PXK: variants seen among roughly 807,000 people sequenced by gnomAD.
PXK encodes the protein PX domain containing serine/threonine kinase like.
Under a neutral mutation model 84.7 loss-of-function variants are expected in PXK, and 35 were observed. The ratio of observed to expected loss-of-function variants is 0.41; its 90% confidence interval spans 0.32 to 0.55. PXK has a LOEUF of 0.55. PXK is among the 20% of genes least tolerant of loss of function. PXK has a pLI of 0.21. For synonymous variants in PXK, 253 were observed against 260.8 expected, an observed-to-expected ratio of 0.97 and a Z score of 0.29; for missense variants, 634 against 699.7, an observed-to-expected ratio of 0.91 and a Z score of 1.06.
Position 58,380,285 on chromosome 3 carries a change from T to C in PXK, c.202-2229T>C, listed in dbSNP as rs141213443. ...AAAATGGATCAAGAATCATTATGATTAGCTGTGTGTGGTGGCGTGCACCTG... is the reference window on the plus strand; with the variant it reads ...AAAATGGATCAAGAATCATTATGATCAGCTGTGTGTGGTGGCGTGCACCTG... On this transcript the variant is annotated intron_variant, in intron 3 of 17. Transcript: ENST00000356151. 2.2e-4 allele frequency among the ~76,000 whole-genome samples: 34 copies of C among 152,182 alleles called. 1 individual carries two copies. Among genetic ancestry groups the C allele is most frequent in the African/African-American group, 8.2e-4 (34 of 41,538 alleles).
At position 58,424,927 on chromosome 3, in the gene PXK, A is replaced by T; in HGVS notation, c.1704A>T (p.Lys568Asn). 1 of 1,614,148 alleles carries T rather than the reference A, an allele frequency of 6.2e-7. No individual in the cohort carries two copies. The highest frequency in any genetic ancestry group is 8.5e-7 in the Non-Finnish European group (1 of 1,180,036). Residue 568 changes from lysine (K) to asparagine (N), a missense_variant, in exon 18 of 18, where the codon AAA becomes AAT. Around this residue, in one of 3 missense-constraint regions of PXK, gnomAD observed 273 missense variants for 283.6 expected, o/e 0.96. Coordinates refer to ENST00000356151, the MANE Select transcript of PXK (RefSeq NM_017771.5). Reference protein sequence around the residue: ...NFQKGTLRKAKTCDHSAPKIG With the variant: ...NFQKGTLRKANTCDHSAPKIG ...AAAAAGGAACTTTGAGGAAAGCCAA[A>T]ACCTGTGATCACAGTGCTCCGAAGA...
chr3:58,364,637 A>G lies in PXK; in HGVS notation c.103-1237A>G, dbSNP rs545058066. On this transcript the variant is annotated intron_variant, in intron 1 of 17. Transcript: ENST00000356151. The surrounding 1 kb of genome is among the most constrained non-coding windows in gnomAD (Gnocchi z 4.3). ...TGAGGCAGGAGAATTGCTTGAACCC[A>G]GGAGGCGGAAGTGGCAGTGAGCTGA... 1.3e-3 allele frequency among the ~76,000 whole-genome samples: 201 copies of G among 152,136 alleles called. 2 individuals are homozygous for G. Among genetic ancestry groups the G allele is most frequent in the African/African-American group, 4.7e-3 (197 of 41,476 alleles).
At chr3:58,388,828 T>C (rs2098593838) in intron 4 of PXK, among the ~76,000 whole-genome samples, 1 of 152,162 alleles carries the variant, frequency 6.6e-6, no homozygotes, top group South Asian at 2.1e-4. Flanking sequence ...GCTCTTGACA[T>C]GTGAATTCTA....
chr3:58,424,382 G>A (rs1410039802), intron 17 of PXK, among the ~76,000 whole-genome samples: 1 of 152,220 alleles, frequency 6.6e-6, no homozygotes, highest in Non-Finnish European at 1.5e-5. Flanking sequence ...GAAGCAGACA[G>A]AGCTTCCTGG....
chr3:58,425,157 C>G lies in PXK; in HGVS notation c.*197C>G, dbSNP rs2062659377. On this transcript the variant is annotated 3_prime_UTR_variant, in exon 18 of 18. Transcript: ENST00000356151. ...GAATAAAGTTAGGCTGGCATTGCTC[C>G]CTTAAGATCTTGCTCCTTTATTAAC... 1 of 809,278 alleles carries G rather than the reference C, an allele frequency of 1.2e-6. No homozygotes were observed. The highest frequency in any genetic ancestry group is 2.9e-5 in the East Asian group (1 of 34,264). 50.1% of individuals were successfully genotyped at this position (809,278 alleles called of 1,614,324 possible). A position where few individuals can be genotyped will look rare whatever the true frequency, so the allele number is the denominator to read the frequency against.
chr3:58,418,804 G>C (rs961550706), intron 17 of PXK, among the ~76,000 whole-genome samples: 8 of 152,194 alleles, frequency 5.3e-5, no homozygotes, highest in Non-Finnish European at 7.3e-5. Flanking sequence ...AGAAAACCCA[G>C]TTTGCAAGAA....
At chr3:58,392,078 T>C (rs1213013873) in intron 7 of PXK, among the ~76,000 whole-genome samples, 2 of 152,354 alleles carry the variant, frequency 1.3e-5, no homozygotes, top group Non-Finnish European at 2.9e-5. Context: ...CTTTGAATTT[T>C]AAACAAAGAT....
chr3:58,422,489 T>C, intron 17 of PXK: 7 of 985,312 alleles, frequency 7.1e-6, no homozygotes, highest in Non-Finnish European at 8.4e-6. Flanking sequence ...CCTGGAGCCC[T>C]TTGGACAGTG....
intron 16 of PXK, among the ~76,000 whole-genome samples, chr3:58,410,509 C>T (rs1022854679): frequency 1.3e-5 from 2 of 152,310 alleles, no homozygotes; most frequent in African/African-American, 4.8e-5. Context: ...ACAGAAATGA[C>T]CTTAAATCCT....
intron 3 of PXK, among the ~76,000 whole-genome samples, chr3:58,376,554 A>T (rs1047577318): frequency 6.6e-6 from 1 of 152,222 alleles, no homozygotes. Context: ...CGTAAATGAG[A>T]TGATATTCTG....
intron 7 of PXK, 105 bp from the exon 8 acceptor site, chr3:58,394,893 A>G (rs1276678049): frequency 7.6e-6 from 6 of 789,108 alleles, no homozygotes; most frequent in East Asian, 2.5e-5. Context: ...TTCGTATGCA[A>G]TTAAACCACC....
intron 3 of PXK, among the ~76,000 whole-genome samples, chr3:58,382,167 T>C (rs2108787645): frequency 6.6e-6 from 1 of 152,014 alleles, no homozygotes. Context: ...AATACAAAAA[T>C]TAGCTGGGCG....
rs138993562 is a variant in PXK, at chr3:58,364,681, C to T, written c.103-1193C>T. Among the ~76,000 whole-genome samples, 53 of 151,750 alleles carry T rather than the reference C, an allele frequency of 3.5e-4. No individual in the cohort carries two copies. Among genetic ancestry groups the T allele is most frequent in the African/African-American group, 1.2e-3 (50 of 41,360 alleles). On this transcript the variant is annotated intron_variant, in intron 1 of 17. Transcript: ENST00000356151. The surrounding 1 kb of genome is among the most constrained non-coding windows in gnomAD (Gnocchi z 4.3). ...GAGCTGAGATCGTGCCACTGCACTCCAGCCTGGGTGACAGAGTGAGACTCG... is the reference window on the plus strand; with the variant it reads ...GAGCTGAGATCGTGCCACTGCACTCTAGCCTGGGTGACAGAGTGAGACTCG...
intron 3 of PXK, among the ~76,000 whole-genome samples, chr3:58,382,274 C>G (rs1456710976): frequency 6.6e-6 from 1 of 152,128 alleles, no homozygotes; most frequent in Non-Finnish European, 1.5e-5. Flanking sequence ...CAAAATCGCA[C>G]CACTGCACTC....
chr3:58,423,116 G>A (rs939434415), intron 17 of PXK: 14 of 985,266 alleles, frequency 1.4e-5, no homozygotes, highest in Admixed American at 6.2e-5. Context: ...AAAACCTTCA[G>A]CAGAGGTCTC....
rs754123115 is a variant in PXK, at chr3:58,424,868, C to A, written c.1645C>A (p.Arg549=). The A allele has an allele frequency of 6.2e-6, 10 of 1,614,184 alleles. No individual in the cohort carries two copies. The highest frequency in any genetic ancestry group is 8.5e-6 in the Non-Finnish European group (10 of 1,180,028). ...GTCTCAGGCTGTGAATGGCATGAGC[C>A]GAGGGGCCTTGCTCAGCTCCATCCA... ...LSSQAVNGMS[R]GALLSSIQNF... is the part of the protein sequence containing the mutation. Residue 549 remains arginine (R), a synonymous_variant, in exon 18 of 18, where the codon CGA becomes AGA. Coordinates refer to ENST00000356151, the MANE Select transcript of PXK (RefSeq NM_017771.5).
intron 3 of PXK, among the ~76,000 whole-genome samples, chr3:58,372,270 G>A (rs919637168): frequency 2.0e-5 from 3 of 152,012 alleles, no homozygotes; most frequent in Non-Finnish European, 4.4e-5. Context: ...CTTTCCAAGT[G>A]CTCCACAAAC....
Position 58,333,069 on chromosome 3 carries a change from C to A in PXK, c.81C>A (p.Ser27Arg). The change falls in exon 1 of 18, where the codon AGC (serine) becomes AGA (arginine). Residue 27 changes from serine (S) to arginine (R), a missense_variant. Around this residue, in one of 3 missense-constraint regions of PXK, gnomAD observed 353 missense variants for 385.2 expected, o/e 0.92. Coordinates refer to ENST00000356151, the MANE Select transcript of PXK (RefSeq NM_017771.5). The surrounding 1 kb of genome is among the most constrained non-coding windows in gnomAD (Gnocchi z 5.4). ...CGCTGACAGCAGCCATCGAGGCGAG[C>A]CAGAGCCTGCAGTCCCACACGGTGC... Reference protein sequence around the residue: ...TVPLTAAIEASQSLQSHTEYI... With the variant: ...TVPLTAAIEARQSLQSHTEYI... The A allele has an allele frequency of 7.6e-7, 1 of 1,322,878 alleles. No homozygotes were observed. Among genetic ancestry groups the A allele is most frequent in the South Asian group, 1.6e-5 (1 of 63,192 alleles). 81.9% of individuals were successfully genotyped at this position (1,322,878 alleles called of 1,614,324 possible).
chr3:58,374,364 G>A (rs11717417), intron 3 of PXK, among the ~76,000 whole-genome samples: 10,965 of 151,944 alleles, frequency 0.072, 506 homozygotes, highest in Middle Eastern at 0.088. Flanking sequence ...GTAGAGATGG[G>A]GGTTTCATCA....
Sources: allele counts gnomAD v4.1 joint callset (sites outside exome capture counted in the v4.1 genomes callset), GRCh38; gene constraint gnomAD v4.1.1; regional missense constraint gnomAD v4.1.1; non-coding constraint Gnocchi (gnomAD v3.1); transcripts MANE v1.5; gene names NCBI Gene and HGNC (gene_info 2026-07-23, HGNC 2026-07-21).